The following CNTN4 variants were observed in gnomAD, a reference collection of about 807,000 sequenced individuals.
CNTN4 encodes the protein contactin-4.
In CNTN4, 77 loss-of-function variants were observed where a neutral mutation model predicts 122.5. The observed-to-expected ratio is 0.63, with a 90% CI of 0.52 to 0.76. CNTN4 has a LOEUF of 0.76. CNTN4 is among the 30% of genes least tolerant of loss of function. The pLI is 0.00. For synonymous variants in CNTN4, 512 were observed against 447.0 expected, an observed-to-expected ratio of 1.15 and a Z score of -1.83; for missense variants, 1,256 against 1,259.1, an observed-to-expected ratio of 1.00 and a Z score of 0.04.
intron 3 of CNTN4, among the ~76,000 whole-genome samples, chr3:2,368,222 C>T (rs13093013): frequency 0.37 from 55,029 of 150,184 alleles, 10,275 homozygotes; most frequent in Middle Eastern, 0.48. Context: ...TTAATAGAGA[C>T]GGGGTTTCAC....
chr3:2,677,162 TAGA>T (rs2084897878), intron 4 of CNTN4, among the ~76,000 whole-genome samples: 1 of 150,766 alleles, frequency 6.6e-6, no homozygotes, highest in Non-Finnish European at 1.5e-5. Flanking sequence ...GATAGATAGA[TAGA>T]TAGATAGATG....
intron 3 of CNTN4, among the ~76,000 whole-genome samples, chr3:2,441,370 G>C (rs1230487759): frequency 3.9e-5 from 6 of 152,140 alleles, no homozygotes; most frequent in Non-Finnish European, 7.4e-5. Context: ...CTGCCTGTAT[G>C]ATCTGATTGA....
At chr3:2,494,875 G>A (rs1036385044) in intron 3 of CNTN4, among the ~76,000 whole-genome samples, 4 of 152,106 alleles carry the variant, frequency 2.6e-5, no homozygotes, top group Admixed American at 2.0e-4. Flanking sequence ...AATACTGTAT[G>A]TATGTACAAT....
chr3:2,612,291 T>A lies in CNTN4; in HGVS notation c.55+40733T>A, dbSNP rs544526006. Among the ~76,000 whole-genome samples, 46 of 152,150 alleles carry A rather than the reference T, an allele frequency of 3.0e-4. No individual in the cohort carries two copies. In the South Asian group the frequency reaches 5.2e-3, roughly 17 times the overall value. ...CCAGCCTAACTTAAACATAATGAGA[T>A]CACTTACCTAGCCTACATTGGTCAA... On this transcript the variant is annotated intron_variant, in intron 4 of 24. Coordinates refer to ENST00000418658, the MANE Select transcript of CNTN4 (RefSeq NM_175607.3).
At chr3:2,598,225 C>T (rs757921463) in intron 4 of CNTN4, among the ~76,000 whole-genome samples, 1 of 152,108 alleles carries the variant, frequency 6.6e-6, no homozygotes, top group Non-Finnish European at 1.5e-5. Flanking sequence ...ACCGAACAAC[C>T]TCGTTAGTCC....
chr3:2,302,392 C>T (rs1559432730), intron 2 of CNTN4, among the ~76,000 whole-genome samples: 1 of 152,174 alleles, frequency 6.6e-6, no homozygotes, highest in Admixed American at 6.5e-5. Context: ...CGTGCCACTG[C>T]ACTCCAGCCT....
intron 2 of CNTN4, among the ~76,000 whole-genome samples, chr3:2,162,820 G>T (rs757408879): frequency 6.6e-6 from 1 of 152,208 alleles, no homozygotes; most frequent in Non-Finnish European, 1.5e-5. Context: ...AACAGGGCTG[G>T]GTGTGGTGGC....
At chr3:2,225,364 A>C (rs901880416) in intron 2 of CNTN4, among the ~76,000 whole-genome samples, 1 of 151,216 alleles carries the variant, frequency 6.6e-6, no homozygotes, top group Non-Finnish European at 1.5e-5. Context: ...AATACAAAAA[A>C]GTAGCCGGGT....
At chr3:2,193,970 G>T (rs1164735017) in intron 2 of CNTN4, among the ~76,000 whole-genome samples, 2 of 152,070 alleles carry the variant, frequency 1.3e-5, no homozygotes, top group Non-Finnish European at 2.9e-5. Flanking sequence ...TGATAAAATT[G>T]CTTAATGATA....
chr3:2,430,616 C>CAA (rs10662868), intron 3 of CNTN4, among the ~76,000 whole-genome samples: 25,337 of 103,118 alleles, frequency 0.25, 3,475 homozygotes, highest in East Asian at 0.58. Context: ...AGCAAATTAC[C>CAA]AAAAAAAAAA....
chr3:2,523,907 G>T (rs566740927), intron 3 of CNTN4, among the ~76,000 whole-genome samples: 1 of 152,094 alleles, frequency 6.6e-6, no homozygotes, highest in South Asian at 2.1e-4. Flanking sequence ...AAACCCCATT[G>T]TGAATGTATT....
At chr3:2,222,719 T>C (rs574121755) in intron 2 of CNTN4, among the ~76,000 whole-genome samples, 1 of 152,168 alleles carries the variant, frequency 6.6e-6, no homozygotes, top group African/African-American at 2.4e-5. Flanking sequence ...TCAGGCTCCC[T>C]AGTAAAACTT....
intron 3 of CNTN4, among the ~76,000 whole-genome samples, chr3:2,489,235 A>G (rs2151648955): frequency 6.6e-6 from 1 of 152,316 alleles, no homozygotes; most frequent in Non-Finnish European, 1.5e-5. Flanking sequence ...AAGACATTAG[A>G]TTTTTAAGTA....
intron 2 of CNTN4, among the ~76,000 whole-genome samples, chr3:2,194,927 A>G (rs1415959412): frequency 2.6e-5 from 4 of 152,070 alleles, no homozygotes; most frequent in Non-Finnish European, 5.9e-5. Flanking sequence ...AAGCCACCCA[A>G]TTTGTAGTAC....
In CNTN4 at chr3:2,673,027, A is replaced by G. The variant is rs138536124; in HGVS notation, c.56-63188A>G. On this transcript the variant is annotated intron_variant, in intron 4 of 24. Transcript: ENST00000418658. ...ACAGTACTACTTACCGGTTTCCAAAATATTTTTGTACTTGTCTAATGGCAA... is the reference window on the plus strand; with the variant it reads ...ACAGTACTACTTACCGGTTTCCAAAGTATTTTTGTACTTGTCTAATGGCAA... 2.6e-5 allele frequency among the ~76,000 whole-genome samples: 4 copies of G among 152,318 alleles called. No individual in the cohort carries two copies. In the East Asian group the frequency reaches 7.7e-4, roughly 29 times the overall value.
intron 14 of CNTN4, among the ~76,000 whole-genome samples, chr3:3,014,026 T>C (rs1301724259): frequency 6.7e-6 from 1 of 148,216 alleles, no homozygotes; most frequent in Non-Finnish European, 1.5e-5. Flanking sequence ...CAAATTTTAT[T>C]GAGGAACAGA....
intron 13 of CNTN4, among the ~76,000 whole-genome samples, chr3:2,947,869 C>T (rs754996410): frequency 7.2e-5 from 11 of 152,184 alleles, no homozygotes; most frequent in Non-Finnish European, 1.5e-4. Context: ...ATTAAACTTG[C>T]CTTTTAGGCC....
At chr3:2,635,496 C>A (rs564122228) in intron 4 of CNTN4, among the ~76,000 whole-genome samples, 6 of 152,256 alleles carry the variant, frequency 3.9e-5, no homozygotes, top group African/African-American at 1.4e-4. Context: ...TCCCCCATGT[C>A]CAGTGGCTCC....
At chr3:2,814,229 A>G (rs1430146658) in intron 6 of CNTN4, among the ~76,000 whole-genome samples, 1 of 152,244 alleles carries the variant, frequency 6.6e-6, no homozygotes, top group Admixed American at 6.5e-5. Flanking sequence ...TACACATCAC[A>G]TGTCAATGAA....
Sources: allele counts gnomAD v4.1 joint callset (sites outside exome capture counted in the v4.1 genomes callset), GRCh38; gene constraint gnomAD v4.1.1; transcripts MANE v1.5; gene names NCBI Gene and HGNC (gene_info 2026-07-23, HGNC 2026-07-21).